GRM5: variants seen among roughly 807,000 people sequenced by gnomAD.
The protein encoded by GRM5 is metabotropic glutamate receptor 5.
In GRM5, 19 loss-of-function variants were observed where a neutral mutation model predicts 83.1. That is an observed-to-expected ratio of 0.23 (90% CI 0.16 to 0.34). The LOEUF (loss-of-function observed/expected upper bound fraction) is 0.34, where lower values mean the gene tolerates loss of function less well. GRM5 is among the 10% of genes least tolerant of loss of function. The pLI is 1.00. For missense variants in GRM5, 1,160 were observed against 1,588.3 expected (o/e 0.73, Z 4.58); for synonymous variants, 675 against 633.6 (o/e 1.07, Z -0.98).
chr11:89,059,973 G>T (rs969116243), intron 1 of GRM5, among the ~76,000 whole-genome samples: 19 of 152,028 alleles, frequency 1.2e-4, no homozygotes, highest in Admixed American at 5.2e-4. Context: ...TGAAACTAAG[G>T]TACATAAATT....
At chr11:88,683,716 G>GA (rs1307735183) in intron 3 of GRM5, among the ~76,000 whole-genome samples, 1 of 152,012 alleles carries the variant, frequency 6.6e-6, no homozygotes, top group Non-Finnish European at 1.5e-5. Context: ...TATTATATAG[G>GA]AAAAAATAAT....
intron 2 of GRM5, among the ~76,000 whole-genome samples, chr11:88,852,080 G>A (rs1048563071): frequency 6.6e-6 from 1 of 152,062 alleles, no homozygotes; most frequent in Admixed American, 6.6e-5. Context: ...TTTGAAATTA[G>A]GTAAGTGATT....
At position 88,509,177 on chromosome 11, in the gene GRM5, T is replaced by C. The variant is rs1941281987; in HGVS notation, c.3054A>G (p.Ser1018=). 1.4e-5 allele frequency: 22 copies of C among 1,535,992 alleles called. No individual in the cohort carries two copies. The highest frequency in any genetic ancestry group is 1.9e-5 in the Non-Finnish European group (22 of 1,143,514). ...EHFPAPARPR[S]PSPISTLSHR... is the part of the protein sequence containing the mutation. The stretch of plus-strand genomic sequence containing the variant: ...GGCTCAGCGTGCTGATGGGCGACGG[T>C]GAGCGCGGCCGCGCGGGCGCCGGGA... The change falls in exon 10 of 10, where the codon TCA becomes TCG. Residue 1018 remains serine, a synonymous_variant. Coordinates refer to ENST00000305447, the MANE Select transcript of GRM5 (RefSeq NM_001143831.3).
chr11:88,712,167 C>T (rs1003880951), intron 3 of GRM5, among the ~76,000 whole-genome samples: 1 of 152,050 alleles, frequency 6.6e-6, no homozygotes, highest in African/African-American at 2.4e-5. Flanking sequence ...CAAGATATAA[C>T]TTGGCTTTTT....
At chr11:89,062,132 G>A (rs1942007926) in intron 1 of GRM5, among the ~76,000 whole-genome samples, 1 of 152,122 alleles carries the variant, frequency 6.6e-6, no homozygotes, top group South Asian at 2.1e-4. Context: ...CCAATGGCAT[G>A]TTTAAATGGA....
intron 4 of GRM5, among the ~76,000 whole-genome samples, chr11:88,634,485 G>A (rs1310001490): frequency 6.6e-6 from 1 of 150,856 alleles, no homozygotes; most frequent in Non-Finnish European, 1.5e-5. Flanking sequence ...AAATGTTTTT[G>A]TTAAAAACCA....
At chr11:88,645,523 A>T (rs997940889) in intron 4 of GRM5, among the ~76,000 whole-genome samples, 3 of 152,102 alleles carry the variant, frequency 2.0e-5, no homozygotes, top group African/African-American at 4.8e-5. Context: ...GAAATAGGAG[A>T]TGAGGCATAA....
intron 1 of GRM5, among the ~76,000 whole-genome samples, chr11:89,061,569 A>G (rs1266217939): frequency 2.6e-5 from 4 of 152,226 alleles, no homozygotes; most frequent in Non-Finnish European, 5.9e-5. Flanking sequence ...CAAAATTAAA[A>G]ATGGTATGTA....
intron 3 of GRM5, among the ~76,000 whole-genome samples, chr11:88,733,465 G>C (rs893589607): frequency 2.0e-5 from 3 of 151,960 alleles, no homozygotes; most frequent in Non-Finnish European, 4.4e-5. Flanking sequence ...TGGAACCCAC[G>C]TTCCGGACTC....
chr11:88,636,963 G>T (rs1050126589), intron 4 of GRM5, among the ~76,000 whole-genome samples: 7 of 152,134 alleles, frequency 4.6e-5, no homozygotes, highest in Non-Finnish European at 1.0e-4. Flanking sequence ...AGCCTTGTAG[G>T]ATAGTTTGAA....
chr11:88,788,128 A>T (rs1286711811), intron 3 of GRM5, among the ~76,000 whole-genome samples: 1 of 152,174 alleles, frequency 6.6e-6, no homozygotes, highest in African/African-American at 2.4e-5. Context: ...TGGGAGGAAC[A>T]TCTCCTTATT....
intron 2 of GRM5, among the ~76,000 whole-genome samples, chr11:88,896,639 C>T (rs868365198): frequency 5.9e-5 from 9 of 151,764 alleles, no homozygotes; most frequent in African/African-American, 2.2e-4. Context: ...ACCAGAGGGC[C>T]AATGATGTGA....
At chr11:88,899,458 A>C (rs186403448) in intron 2 of GRM5, among the ~76,000 whole-genome samples, 1 of 152,140 alleles carries the variant, frequency 6.6e-6, no homozygotes, top group African/African-American at 2.4e-5. Context: ...GAAAATAATT[A>C]GTAGACTTAC....
At chr11:88,814,960 T>C (rs559156980) in intron 3 of GRM5, among the ~76,000 whole-genome samples, 6 of 151,980 alleles carry the variant, frequency 3.9e-5, no homozygotes, top group Admixed American at 1.3e-4. Flanking sequence ...ACTGTAAAAA[T>C]AAAAAGAATT....
chr11:88,612,285 A>G (rs1314147081), intron 4 of GRM5, among the ~76,000 whole-genome samples: 1 of 150,430 alleles, frequency 6.6e-6, no homozygotes, highest in Admixed American at 6.6e-5. Context: ...TGTCCCTACA[A>G]AGGACATGAA....
rs756127678 is a variant in GRM5 at position 88,604,872 on chromosome 11, T to C, written c.1240A>G (p.Met414Val). The change falls in exon 5 of 10, where the codon ATG (methionine) becomes GTG (valine). Residue 414 changes from methionine to valine, a missense_variant. Transcript: ENST00000305447. Reference protein sequence around the residue: ...IYSMAYGLHNMQMSLCPGYAG... With the variant: ...IYSMAYGLHNVQMSLCPGYAG... ...TAGCCTGGGCAGAGGGACATCTGCA[T>C]GTTGTGGAGCCCATAGGCCATCGAA... 3 of 1,613,254 alleles carry C rather than the reference T, an allele frequency of 1.9e-6. No homozygotes were observed. The highest frequency in any genetic ancestry group is 3.3e-5 in the Admixed American group (2 of 60,000).
intron 3 of GRM5, among the ~76,000 whole-genome samples, chr11:88,812,073 CT>C (rs1363798803): frequency 2.6e-5 from 4 of 152,140 alleles, no homozygotes; most frequent in African/African-American, 9.7e-5. Context: ...GTTAATTTCC[CT>C]TGCTTCGGAA....
rs566809963 is a variant in GRM5 at position 88,875,618 on chromosome 11, TG to T, written c.662-25464del. Reference sequence around the variant, plus strand: ...TAGATTAATCTGAAGAATCACAATCTGTGGCAGCTATAGCATTATGAAATAT... The same window carrying T: ...TAGATTAATCTGAAGAATCACAATCTTGGCAGCTATAGCATTATGAAATAT... On this transcript the variant is annotated intron_variant, in intron 2 of 9. Coordinates refer to ENST00000305447, the MANE Select transcript of GRM5 (RefSeq NM_001143831.3). Among the ~76,000 whole-genome samples, 20 of 152,194 alleles carry T rather than the reference TG, an allele frequency of 1.3e-4. No individual in the cohort carries two copies. In the South Asian group the frequency reaches 4.1e-3, roughly 32 times the overall value.
chr11:88,658,787 C>G (rs1939832314), intron 3 of GRM5, among the ~76,000 whole-genome samples: 1 of 152,054 alleles, frequency 6.6e-6, no homozygotes, highest in African/African-American at 2.4e-5. Context: ...GAATATGGAG[C>G]ATTGCAGCTA....
Sources: allele counts gnomAD v4.1 joint callset (sites outside exome capture counted in the v4.1 genomes callset), GRCh38; gene constraint gnomAD v4.1.1; transcripts MANE v1.5; gene names NCBI Gene and HGNC (gene_info 2026-07-23, HGNC 2026-07-21).